Variants in CTNNA2 observed in about 807,000 individuals in gnomAD.
CTNNA2 encodes the protein catenin alpha-2.
In CTNNA2, 42 loss-of-function variants were observed where a neutral mutation model predicts 101.0. The observed-to-expected ratio is 0.42, with a 90% CI of 0.32 to 0.54. The LOEUF is 0.54. Among genes scored for constraint, CTNNA2 ranks in the 20% least tolerant of loss-of-function variants. The pLI is 0.14. For synonymous variants in CTNNA2, 450 were observed against 456.4 expected (o/e 0.99, Z 0.18); for missense variants, 871 against 1,223.1 (o/e 0.71, Z 4.29).
At chr2:80,279,966 T>A (rs1162974401) in intron 7 of CTNNA2, among the ~76,000 whole-genome samples, 1 of 151,852 alleles carries the variant, frequency 6.6e-6, no homozygotes, top group Non-Finnish European at 1.5e-5. Context: ...CCTCCGTGAG[T>A]CTCAGTTTTC....
At chr2:79,591,301 G>C (rs1465910050) in intron 1 of CTNNA2, among the ~76,000 whole-genome samples, 1 of 152,118 alleles carries the variant, frequency 6.6e-6, no homozygotes, top group Non-Finnish European at 1.5e-5. Flanking sequence ...ATGAAAATGG[G>C]TTGTGAAGAC....
At chr2:80,173,278 T>C (rs1262294934) in intron 7 of CTNNA2, among the ~76,000 whole-genome samples, 1 of 152,130 alleles carries the variant, frequency 6.6e-6, no homozygotes, top group Non-Finnish European at 1.5e-5. Context: ...AAACACTTAT[T>C]GGATGAGTGA....
intron 18 of CTNNA2, among the ~76,000 whole-genome samples, chr2:80,639,535 G>GTGTC (rs1553418466): frequency 3.3e-4 from 50 of 151,920 alleles, no homozygotes; most frequent in African/African-American, 1.1e-3. Flanking sequence ...GTGTGTGTGT[G>GTGTC]TGTGTCTGTG....
At chr2:79,423,300 A>G (rs1258914278) in intron 4 of CTNNA2, among the ~76,000 whole-genome samples, 1 of 152,146 alleles carries the variant, frequency 6.6e-6, no homozygotes, top group Non-Finnish European at 1.5e-5. Context: ...CATGTAAGTA[A>G]AGCTGTTTTG....
chr2:79,381,270 C>G (rs1194520770), intron 4 of CTNNA2, among the ~76,000 whole-genome samples: 1 of 152,078 alleles, frequency 6.6e-6, no homozygotes, highest in Non-Finnish European at 1.5e-5. Flanking sequence ...GATGCATGTA[C>G]CCCAAAACTC....
intron 17 of CTNNA2, among the ~76,000 whole-genome samples, chr2:80,611,760 A>C (rs1698486207): frequency 6.6e-6 from 1 of 151,646 alleles, no homozygotes; most frequent in Non-Finnish European, 1.5e-5. Flanking sequence ...TAGCATACTG[A>C]ATATCAAACA....
intron 7 of CTNNA2, among the ~76,000 whole-genome samples, chr2:80,135,755 C>T (rs961509852): frequency 6.6e-6 from 1 of 152,090 alleles, no homozygotes; most frequent in Non-Finnish European, 1.5e-5. Context: ...ATTGGGAGAC[C>T]TCTGTAAATA....
intron 3 of CTNNA2, among the ~76,000 whole-genome samples, chr2:79,857,044 C>G (rs1226917859): frequency 2.0e-5 from 3 of 152,226 alleles, no homozygotes; most frequent in African/African-American, 7.2e-5. Flanking sequence ...GCATTACTGC[C>G]TCTCTCCAGC....
At position 79,897,253 on chromosome 2, in the gene CTNNA2, C is replaced by T. The variant is rs369103551; in HGVS notation, c.853-12341C>T. Among the ~76,000 whole-genome samples the T allele has an allele frequency of 2.6e-4, 39 of 150,628 alleles. No individual in the cohort carries two copies. The East Asian group carries it at 7.3e-3, about 28-fold the overall frequency. On this transcript the variant is annotated intron_variant, in intron 6 of 18. Transcript: ENST00000402739. ...TAACCTATTACAGGCCATGGGGAGCCGTTGAAGGTTTGAGGCCAGTGGGGT... is the reference window on the plus strand; with the variant it reads ...TAACCTATTACAGGCCATGGGGAGCTGTTGAAGGTTTGAGGCCAGTGGGGT...
chr2:80,070,483 G>T (rs1432795249), intron 7 of CTNNA2, among the ~76,000 whole-genome samples: 1 of 152,080 alleles, frequency 6.6e-6, no homozygotes, highest in African/African-American at 2.4e-5. Flanking sequence ...GAGGCGGGAG[G>T]ATGTCTTGAG....
chr2:79,389,424 G>A (rs1264038081), intron 4 of CTNNA2, among the ~76,000 whole-genome samples: 6 of 152,108 alleles, frequency 3.9e-5, no homozygotes, highest in African/African-American at 9.7e-5. Flanking sequence ...TAAAAAGCAT[G>A]GGGGAGAATC....
intron 7 of CTNNA2, among the ~76,000 whole-genome samples, chr2:80,002,358 C>CA (rs946921288): frequency 1.3e-5 from 2 of 152,156 alleles, no homozygotes; most frequent in African/African-American, 4.8e-5. Flanking sequence ...GCCATGTCCT[C>CA]AGGCAAGAGG....
chr2:79,593,434 CT>C (rs1334332739), intron 1 of CTNNA2, among the ~76,000 whole-genome samples: 1 of 152,200 alleles, frequency 6.6e-6, no homozygotes, highest in African/African-American at 2.4e-5. Context: ...ATTTTCTAAG[CT>C]TTACATTTCC....
intron 7 of CTNNA2, among the ~76,000 whole-genome samples, chr2:80,220,369 G>C (rs571895901): frequency 6.6e-6 from 1 of 152,278 alleles, no homozygotes; most frequent in South Asian, 2.1e-4. Context: ...TGGCATCCAC[G>C]TTTTTTCCTT....
chr2:79,868,281 A>G lies in CTNNA2; in HGVS notation c.466-1535A>G, dbSNP rs536760148. On this transcript the variant is annotated intron_variant, in intron 4 of 18. Transcript: ENST00000402739. ...AAACTTAAATTTCCCAATCCAGGAC[A>G]TAAACGTTATGTGGCATCTAGATTA... 2.6e-5 allele frequency among the ~76,000 whole-genome samples: 4 copies of G among 152,306 alleles called. No individual in the cohort carries two copies. In the South Asian group the frequency reaches 8.3e-4, roughly 32 times the overall value.
At chr2:79,913,640 C>G (rs1685967781) in intron 7 of CTNNA2, among the ~76,000 whole-genome samples, 1 of 152,060 alleles carries the variant, frequency 6.6e-6, no homozygotes, top group Non-Finnish European at 1.5e-5. Flanking sequence ...TCTCTTGGGC[C>G]AGGGGATAGC....
At chr2:80,155,596 C>T (rs1275616529) in intron 7 of CTNNA2, among the ~76,000 whole-genome samples, 2 of 151,976 alleles carry the variant, frequency 1.3e-5, no homozygotes, top group Non-Finnish European at 2.9e-5. Context: ...TGAAATCAAA[C>T]TCAATGGAAG....
chr2:80,475,125 T>A (rs1320072640), intron 9 of CTNNA2, among the ~76,000 whole-genome samples: 1 of 152,196 alleles, frequency 6.6e-6, no homozygotes, highest in Non-Finnish European at 1.5e-5. Flanking sequence ...AAAAATATGA[T>A]AAATGTTTCT....
At chr2:79,449,122 AG>A (rs1409357108) in intron 4 of CTNNA2, among the ~76,000 whole-genome samples, 1 of 151,978 alleles carries the variant, frequency 6.6e-6, no homozygotes, top group Non-Finnish European at 1.5e-5. Context: ...CCCCCCAAAA[AG>A]GGGTTTTAAA....
Sources: allele counts gnomAD v4.1 joint callset (sites outside exome capture counted in the v4.1 genomes callset), GRCh38; gene constraint gnomAD v4.1.1; transcripts MANE v1.5; gene names NCBI Gene and HGNC (gene_info 2026-07-23, HGNC 2026-07-21).